Variants in DENND5B observed in about 807,000 individuals in gnomAD.
DENND5B encodes the protein DENN domain-containing protein 5B.
A neutral mutation model predicts 140.6 loss-of-function variants in DENND5B; 34 were observed. That is an observed-to-expected ratio of 0.24 (90% CI 0.18 to 0.32). The LOEUF (loss-of-function observed/expected upper bound fraction) is 0.32, where lower values mean the gene tolerates loss of function less well. Among genes scored for constraint, DENND5B ranks in the 10% least tolerant of loss-of-function variants. The pLI is 1.00. For synonymous variants in DENND5B, 551 were observed against 562.1 expected (o/e 0.98, Z 0.28); for missense variants, 1,142 against 1,560.2 (o/e 0.73, Z 4.52).
In DENND5B at chr12:31,442,867, T is replaced by G. The variant is rs753322078; in HGVS notation, c.1920A>C (p.Leu640=). ...KMDHTAIHPH[L]LDMKIGQGKY... is the part of the protein sequence containing the mutation. ...TGCCTTGACCAATTTTCATATCAAG[T>G]AGATGTGGGTGGATTGCAGTGTGAT... Residue 640 remains leucine (L), a synonymous_variant, in exon 7 of 21, where the codon CTA becomes CTC. Coordinates refer to ENST00000389082, the MANE Select transcript of DENND5B (RefSeq NM_144973.4). 1 of 1,610,760 alleles carries G rather than the reference T, an allele frequency of 6.2e-7. No individual in the cohort carries two copies. The highest frequency in any genetic ancestry group is 8.5e-7 in the Non-Finnish European group (1 of 1,178,406).
chr12:31,457,721 T>C (rs1229052402), intron 4 of DENND5B, among the ~76,000 whole-genome samples: 1 of 151,294 alleles, frequency 6.6e-6, no homozygotes, highest in Non-Finnish European at 1.5e-5. Flanking sequence ...TTCTTTTCTT[T>C]TTTTTTTTTT....
At chr12:31,518,749 C>CT (rs548985589) in intron 1 of DENND5B, among the ~76,000 whole-genome samples, 11,158 of 148,406 alleles carry the variant, frequency 0.075, 418 homozygotes, top group African/African-American at 0.089. Context: ...TTTTTTAAAT[C>CT]TTTTTTTTTT....
chr12:31,464,121 G>C (rs1565605171), intron 3 of DENND5B, among the ~76,000 whole-genome samples: 1 of 152,116 alleles, frequency 6.6e-6, no homozygotes, highest in African/African-American at 2.4e-5. Flanking sequence ...TCAAAGTGAT[G>C]AATGTATAAA....
chr12:31,542,573 G>A (rs1420710545), intron 1 of DENND5B, among the ~76,000 whole-genome samples: 1 of 152,122 alleles, frequency 6.6e-6, no homozygotes, highest in African/African-American at 2.4e-5. Context: ...CTTCCATGAT[G>A]GGATTATTAT....
chr12:31,518,836 A>C (rs1443909098), intron 1 of DENND5B, among the ~76,000 whole-genome samples: 2 of 152,134 alleles, frequency 1.3e-5, no homozygotes, highest in East Asian at 3.9e-4. Flanking sequence ...TAGCTGCAGC[A>C]ACTGCAGCTG....
At position 31,426,006 on chromosome 12, in the gene DENND5B, G is replaced by A. The variant is rs541798753; in HGVS notation, c.2238+287C>T. On this transcript the variant is annotated intron_variant, in intron 9 of 20. Coordinates refer to ENST00000389082, the MANE Select transcript of DENND5B (RefSeq NM_144973.4). ...CACATAAGATGACAACATTCCTGACGCAAATTATGAGTGGCTTAAGACATC... is the reference window on the plus strand; with the variant it reads ...CACATAAGATGACAACATTCCTGACACAAATTATGAGTGGCTTAAGACATC... 1.5e-4 allele frequency among the ~76,000 whole-genome samples: 23 copies of A among 152,258 alleles called. No individual in the cohort carries two copies. In the South Asian group the frequency reaches 4.4e-3, roughly 29 times the overall value.
At chr12:31,492,914 G>T (rs535270324) in intron 2 of DENND5B, among the ~76,000 whole-genome samples, 3 of 152,348 alleles carry the variant, frequency 2.0e-5, no homozygotes, top group Admixed American at 2.0e-4. Flanking sequence ...GATTATTTTA[G>T]TATTGTATAA....
At chr12:31,556,060 T>A (rs566145649) in intron 1 of DENND5B, among the ~76,000 whole-genome samples, 2 of 152,246 alleles carry the variant, frequency 1.3e-5, no homozygotes, top group African/African-American at 4.8e-5. Context: ...CTGCACCCAC[T>A]GTCCTGCACC....
intron 1 of DENND5B, among the ~76,000 whole-genome samples, chr12:31,560,153 G>A (rs141882693): frequency 3.3e-5 from 5 of 152,116 alleles, no homozygotes; most frequent in Admixed American, 1.3e-4. Context: ...AGACTCATAC[G>A]TCTAACTGCC....
chr12:31,421,339 C>T (rs1565562347), intron 11 of DENND5B, among the ~76,000 whole-genome samples: 2 of 152,092 alleles, frequency 1.3e-5, no homozygotes, highest in Non-Finnish European at 2.9e-5. Flanking sequence ...GCCACCGTGC[C>T]CAGCCCATCA....
intron 1 of DENND5B, among the ~76,000 whole-genome samples, chr12:31,567,679 T>C (rs1015573618): frequency 2.0e-5 from 3 of 151,786 alleles, no homozygotes; most frequent in African/African-American, 7.3e-5. Flanking sequence ...TTTAGGGTGG[T>C]GCATACCTGC....
At chr12:31,403,312 T>G (rs1389044955) in intron 14 of DENND5B, among the ~76,000 whole-genome samples, 1 of 152,110 alleles carries the variant, frequency 6.6e-6, no homozygotes, top group East Asian at 1.9e-4. Flanking sequence ...TAGATGTCAC[T>G]GCCCTATCAC....
chr12:31,464,393 T>G (rs1945160031), intron 3 of DENND5B, among the ~76,000 whole-genome samples: 1 of 152,184 alleles, frequency 6.6e-6, no homozygotes, highest in Non-Finnish European at 1.5e-5. Context: ...ACACTTCTTA[T>G]TATCACCAGA....
Position 31,525,564 on chromosome 12 carries a change from G to A in DENND5B, c.128-29645C>T, listed in dbSNP as rs114498268. Among the ~76,000 whole-genome samples, 324 of 152,332 alleles carry A rather than the reference G, an allele frequency of 2.1e-3. 2 individuals carry two copies. The highest frequency in any genetic ancestry group is 4.4e-3 in the African/African-American group (182 of 41,558). On this transcript the variant is annotated intron_variant, in intron 1 of 20. Coordinates refer to ENST00000389082, the MANE Select transcript of DENND5B (RefSeq NM_144973.4). ...CAGGTATGGGGTTTCTTTTGTGGCT[G>A]ATGAAGATGTTCTAACATTTATTGT...
chr12:31,434,615 T>A (rs1441949252), intron 7 of DENND5B, among the ~76,000 whole-genome samples: 2 of 152,176 alleles, frequency 1.3e-5, no homozygotes, highest in South Asian at 2.1e-4. Context: ...TCCAGCTTAG[T>A]GTGTAAGACT....
intron 4 of DENND5B, among the ~76,000 whole-genome samples, chr12:31,455,650 A>G (rs1426605217): frequency 6.6e-6 from 1 of 152,202 alleles, no homozygotes; most frequent in East Asian, 1.9e-4. Context: ...TCAATCTGAC[A>G]TTGCTTTAGG....
intron 11 of DENND5B, among the ~76,000 whole-genome samples, chr12:31,420,586 G>A (rs1204020036): frequency 6.6e-6 from 1 of 152,044 alleles, no homozygotes; most frequent in Admixed American, 6.6e-5. Context: ...TGGGATTACA[G>A]GTGTGCACCA....
chr12:31,497,964 G>A (rs1946845771), intron 1 of DENND5B, among the ~76,000 whole-genome samples: 1 of 139,428 alleles, frequency 7.2e-6, no homozygotes, highest in East Asian at 2.1e-4. Context: ...GGGGAGGGGA[G>A]GGAAGGGAAA....
chr12:31,539,896 A>G (rs1204321425), intron 1 of DENND5B, among the ~76,000 whole-genome samples: 9 of 152,136 alleles, frequency 5.9e-5, no homozygotes, highest in Admixed American at 5.9e-4. Flanking sequence ...GACAAGAGAA[A>G]GATATAAAGG....
Sources: gnomAD v4.1 joint callset for allele counts (sites outside exome capture counted in the v4.1 genomes callset) on GRCh38, gnomAD v4.1.1 for gene constraint, MANE v1.5 for transcripts, NCBI Gene and HGNC (gene_info 2026-07-23, HGNC 2026-07-21) for gene names.